Variants in TAF11 observed in about 807,000 individuals in gnomAD.
TAF11 encodes the protein transcription initiation factor TFIID subunit 11.
Under a neutral mutation model 23.0 loss-of-function variants are expected in TAF11, and 10 were observed. The ratio of observed to expected loss-of-function variants is 0.43; its 90% CI spans 0.27 to 0.74. TAF11 has a LOEUF of 0.74. Ranked by LOEUF, TAF11 falls within the 30% of genes least tolerant of loss-of-function variation. The probability of loss-of-function intolerance (pLI) is 0.19; values close to 1 mark genes in which losing one functional copy is unlikely to be tolerated. For missense variants in TAF11, 196 were observed against 261.7 expected (o/e 0.75, Z 1.73); for synonymous variants, 85 against 95.8 (o/e 0.89, Z 0.66).
intron 2 of TAF11, among the ~76,000 whole-genome samples, chr6:34,881,993 C>T (rs777269602): frequency 2.6e-5 from 4 of 151,068 alleles, no homozygotes; most frequent in East Asian, 2.0e-4. Context: ...CCACCGATCT[C>T]GGCCTTCTTT....
At chr6:34,884,148 A>C (rs542381175) in intron 1 of TAF11, among the ~76,000 whole-genome samples, 1 of 152,254 alleles carries the variant, frequency 6.6e-6, no homozygotes, top group Non-Finnish European at 1.5e-5. Flanking sequence ...ACAATAGCAA[A>C]GACATGGAAT....
intron 2 of TAF11, among the ~76,000 whole-genome samples, chr6:34,881,994 G>A (rs917322892): frequency 6.0e-5 from 9 of 150,940 alleles, no homozygotes; most frequent in East Asian, 2.0e-4. Flanking sequence ...CACCGATCTC[G>A]GCCTTCTTTT....
Position 34,878,375 on chromosome 6 carries a change from A to G in TAF11, c.*215T>C. ...GGTCAAGACAGTTAAATACTTCAAA[A>G]TGCCCCAAGAGGTCCCAAAATTTAG... On this transcript the variant is annotated 3_prime_UTR_variant, in exon 5 of 5. Transcript: ENST00000361288. 1.9e-6 allele frequency: 1 copy of G among 535,160 alleles called. No individual in the cohort carries two copies. The highest frequency in any genetic ancestry group is 2.9e-5 in the East Asian group (1 of 34,392). 33.2% of individuals were successfully genotyped at this position (535,160 alleles called of 1,614,324 possible). A position where few individuals can be genotyped will look rare whatever the true frequency, so the allele number is the denominator to read the frequency against.
chr6:34,882,329 ACT>A (rs1347441693), intron 2 of TAF11, among the ~76,000 whole-genome samples: 3 of 136,476 alleles, frequency 2.2e-5, no homozygotes, highest in African/African-American at 8.4e-5. Flanking sequence ...CGAGAGCGAA[ACT>A]CTGTCTCAAA....
At chr6:34,878,899 A>G (rs556526371) in intron 4 of TAF11, among the ~76,000 whole-genome samples, 179 bp from the exon 5 acceptor site, 20 of 152,348 alleles carry the variant, frequency 1.3e-4, no homozygotes, top group African/African-American at 3.4e-4. Context: ...ATCATAGACA[A>G]CAGTTTAAAA....
intron 1 of TAF11, among the ~76,000 whole-genome samples, chr6:34,887,348 C>G (rs993984883): frequency 1.3e-5 from 2 of 152,110 alleles, no homozygotes; most frequent in Non-Finnish European, 2.9e-5. Flanking sequence ...ATATAAAAGT[C>G]TATCTCCCTT....
intron 1 of TAF11, among the ~76,000 whole-genome samples, chr6:34,886,874 C>T (rs970208138): frequency 6.6e-6 from 1 of 152,152 alleles, no homozygotes; most frequent in Non-Finnish European, 1.5e-5. Context: ...CTCTTAAATC[C>T]CTTCTAGCTG....
At chr6:34,882,844 A>G in intron 2 of TAF11, 88 bp downstream of exon 2, 1 of 1,445,074 alleles carries the variant, frequency 6.9e-7, no homozygotes, top group East Asian at 2.4e-5. Context: ...GAGTTTATAA[A>G]AGAAAATTTA....
chr6:34,883,013 G>A lies in TAF11; in HGVS notation c.239C>T (p.Ala80Val). ...EREDSSLLNP[A>V]AKKLKIDTKE... ...GGTATCTATTTTCAGTTTTTTGGCTGCAGGATTAAGTAATGATGAGTCTTC... is the reference window on the plus strand; with the variant it reads ...GGTATCTATTTTCAGTTTTTTGGCTACAGGATTAAGTAATGATGAGTCTTC... The change falls in exon 2 of 5, where the codon GCA (alanine) becomes GTA (valine). Residue 80 changes from alanine (A) to valine (V), a missense_variant. Physicochemically the swap from Ala to Val is moderately conservative, Grantham distance 64 (BLOSUM62 0). Transcript: ENST00000361288. 6.2e-7 allele frequency: 1 copy of A among 1,611,740 alleles called. No homozygotes were observed. Among genetic ancestry groups the A allele is most frequent in the Non-Finnish European group, 8.5e-7 (1 of 1,179,324 alleles).
chr6:34,885,489 GTGGCCTGT>G (rs1766511149), intron 1 of TAF11, among the ~76,000 whole-genome samples: 1 of 152,142 alleles, frequency 6.6e-6, no homozygotes, highest in Admixed American at 6.5e-5. Flanking sequence ...TTAACAAGAT[GTGGCCTGT>G]TATGATTTCT....
rs761739121 is a variant in TAF11, at chr6:34,882,979, C to A, written c.273G>T (p.Lys91Asn). ...AKKLKIDTKE[K>N]KEKKQKVDED... ...CATCTACTTTCTGCTTTTTCTCTTT[C>A]TTTTCTTTGGTATCTATTTTCAGTT... The change falls in exon 2 of 5, where the codon AAG becomes AAT. Residue 91 changes from lysine (K) to asparagine (N), a missense_variant. Coordinates refer to ENST00000361288, the MANE Select transcript of TAF11 (RefSeq NM_005643.4). 3 of 1,609,452 alleles carry A rather than the reference C, an allele frequency of 1.9e-6. No homozygotes were observed. In the South Asian group the frequency reaches 3.4e-5, roughly 18 times the overall value.
At chr6:34,881,413 A>AT (rs1766421891) in intron 2 of TAF11, among the ~76,000 whole-genome samples, 1 of 152,104 alleles carries the variant, frequency 6.6e-6, no homozygotes, top group South Asian at 2.1e-4. Flanking sequence ...TTTATGGGTG[A>AT]TTTTTTTCTA....
In TAF11 at chr6:34,880,533, C is replaced by T. The variant is rs565939274; in HGVS notation, c.321-157G>A. ...GAGGAATGAAGATAAAACACTTCTA[C>T]TCCAAAGGAATTTGAGAAAACGTAA... On this transcript the variant is annotated intron_variant, in intron 2 of 4. Transcript: ENST00000361288. The surrounding 1 kb of genome is among the most constrained non-coding windows in gnomAD (Gnocchi z 4.8). Among the ~76,000 whole-genome samples the T allele has an allele frequency of 6.6e-6, 1 of 152,334 alleles. No individual in the cohort carries two copies. Among genetic ancestry groups the T allele is most frequent in the African/African-American group, 2.4e-5 (1 of 41,572 alleles).
intron 1 of TAF11, among the ~76,000 whole-genome samples, chr6:34,887,235 C>T (rs1453813635): frequency 6.6e-6 from 1 of 152,072 alleles, no homozygotes; most frequent in Non-Finnish European, 1.5e-5. Flanking sequence ...CCAGGAGGCG[C>T]AGGTTGCAGT....
intron 4 of TAF11, chr6:34,879,288 C>CAA (rs1267989921): frequency 1.4e-6 from 1 of 698,692 alleles, no homozygotes; most frequent in African/African-American, 1.9e-5. Flanking sequence ...GAGGCTGAGG[C>CAA]AAGAGGATCC....
chr6:34,878,555 T>A lies in TAF11; in HGVS notation c.*35A>T. 8.5e-7 allele frequency: 1 copy of A among 1,170,152 alleles called. No homozygotes were observed. Among genetic ancestry groups the A allele is most frequent in the South Asian group, 1.2e-5 (1 of 81,974 alleles). The allele number at this position is 1,170,152 out of a possible 1,614,324, so 72.5% of individuals were successfully genotyped here. A position where few individuals can be genotyped will look rare whatever the true frequency, so the allele number is the denominator to read the frequency against. On this transcript the variant is annotated 3_prime_UTR_variant, in exon 5 of 5. Transcript: ENST00000361288. ...ATAGGAAGTCTGGAACCAATACTTC[T>A]TCCGTCAGTAACATAGGCCTTTCTA...
At chr6:34,883,108 A>G (rs957430779) in intron 1 of TAF11, 28 bp from the exon 2 acceptor site, 2 of 1,592,014 alleles carry the variant, frequency 1.3e-6, no homozygotes, top group Non-Finnish European at 1.7e-6. Flanking sequence ...ACTCTATTAT[A>G]TATTTGGCCT....
intron 4 of TAF11, chr6:34,879,592 G>C: frequency 1.0e-6 from 1 of 984,966 alleles, no homozygotes; most frequent in Non-Finnish European, 1.2e-6. Context: ...GGGTCAGGCA[G>C]TTCCTAGGGA....
rs560383660 is a variant in TAF11, at chr6:34,880,083, C to G, written c.409-20G>C. On this transcript the variant is annotated intron_variant, in intron 3 of 4. Transcript: ENST00000361288. The surrounding 1 kb of genome is among the most constrained non-coding windows in gnomAD (Gnocchi z 4.8). The stretch of plus-strand genomic sequence containing the variant: ...GATCAGCTTGAAAGAAGCACAAAGA[C>G]TCCGTGATCACAATAGTCAAAGACT... The G allele has an allele frequency of 7.5e-6, 12 of 1,608,374 alleles. No homozygotes were observed. Among genetic ancestry groups the G allele is most frequent in the Non-Finnish European group, 1.0e-5 (12 of 1,175,012 alleles).
Sources: allele counts gnomAD v4.1 joint callset (sites outside exome capture counted in the v4.1 genomes callset), GRCh38; gene constraint gnomAD v4.1.1; non-coding constraint Gnocchi (gnomAD v3.1); transcripts MANE v1.5; gene names NCBI Gene and HGNC (gene_info 2026-07-23, HGNC 2026-07-21).